Variants in DHX37 observed in about 807,000 individuals in gnomAD.
The protein encoded by DHX37 is DEAH-box helicase 37, also known as probable ATP-dependent RNA helicase DHX37.
A neutral mutation model predicts 134.3 loss-of-function variants in DHX37; 52 were observed. The ratio of observed to expected loss-of-function variants is 0.39; its 90% CI spans 0.31 to 0.49. DHX37 has a LOEUF of 0.49. DHX37 is among the 20% of genes least tolerant of loss of function. The probability of loss-of-function intolerance (pLI) is 0.93; values close to 1 mark genes in which losing one functional copy is unlikely to be tolerated. For missense variants in DHX37, 1,344 were observed against 1,580.8 expected (o/e 0.85, Z 2.54); for synonymous variants, 634 against 670.7 (o/e 0.95, Z 0.85).
rs1377058810 is a variant in DHX37 at position 124,982,518 on chromosome 12, T to C, written c.382A>G (p.Thr128Ala). The C allele has an allele frequency of 6.2e-7, 1 of 1,613,450 alleles. No homozygotes were observed. The highest frequency in any genetic ancestry group is 8.5e-7 in the Non-Finnish European group (1 of 1,179,634). ...AAGGACTGGCCAACTCACTCTTTGG[T>C]GTGATACATGCGGTTCCCAGTGCCT... Reference protein sequence around the residue: ...KLGTGNRMYHTKEKADEVVAP... With the variant: ...KLGTGNRMYHAKEKADEVVAP... Residue 128 changes from threonine to alanine, a missense_variant, in exon 3 of 27, where the codon ACC becomes GCC. Physicochemically the swap from Thr to Ala is moderately conservative, Grantham distance 58 (BLOSUM62 0). Transcript: ENST00000308736.
Position 124,953,898 on chromosome 12 carries a change from C to T in DHX37, c.2677G>A (p.Gly893Ser), listed in dbSNP as rs1389789189. The T allele has an allele frequency of 5.0e-6, 8 of 1,611,524 alleles. No individual in the cohort carries two copies. Among genetic ancestry groups the T allele is most frequent in the Non-Finnish European group, 5.9e-6 (7 of 1,179,290 alleles). Residue 893 changes from glycine (G) to serine (S), a missense_variant, in exon 20 of 27, where the codon GGC becomes AGC. Coordinates refer to ENST00000308736, the MANE Select transcript of DHX37 (RefSeq NM_032656.4). ...KAMMEIRRLRGQLTTAVNAVC... is the reference protein window; with the variant it reads ...KAMMEIRRLRSQLTTAVNAVC... ...GCCGTACCTGCGGTGGTCAGCTGGC[C>T]CCGCAGGCGCCGGATCTCCATCATG...
intron 6 of DHX37, among the ~76,000 whole-genome samples, chr12:124,975,200 C>T (rs1954609533): frequency 1.3e-5 from 2 of 152,324 alleles, no homozygotes; most frequent in South Asian, 4.1e-4. Context: ...ACTCTGTCCC[C>T]TCGGCACACT....
intron 4 of DHX37, among the ~76,000 whole-genome samples, chr12:124,978,440 C>T (rs1337217581): frequency 1.3e-5 from 2 of 151,732 alleles, no homozygotes; most frequent in Non-Finnish European, 2.9e-5. Flanking sequence ...GCCTCAGCCT[C>T]CTGAGTAGCT....
At chr12:124,983,749 C>T (rs1276860956) in intron 2 of DHX37, among the ~76,000 whole-genome samples, 1 of 149,276 alleles carries the variant, frequency 6.7e-6, no homozygotes, top group African/African-American at 2.5e-5. Flanking sequence ...CATACCACTG[C>T]ACTCCAGCCT....
chr12:124,947,812 G>T lies in DHX37; in HGVS notation c.3464C>A (p.Thr1155Asn). 1 of 1,587,040 alleles carries T rather than the reference G, an allele frequency of 6.3e-7. No individual in the cohort carries two copies. The highest frequency in any genetic ancestry group is 1.2e-5 in the South Asian group (1 of 86,110). ...CAGCCAGGTTTCTGGTCAGTGGACA[G>T]TGGTGGGGGGCCAGGCTTTCTCGAT... ...PDIEKAWPPT[T>N]VH Residue 1155 changes from threonine to asparagine, a missense_variant, in exon 27 of 27, where the codon ACT becomes AAT. Thr to Asn is a moderately conservative substitution (Grantham distance 65). This residue lies in a region of DHX37 where 558 missense variants were observed against 650.0 expected (regional missense o/e 0.86). Transcript: ENST00000308736.
intron 20 of DHX37, 190 bp from the exon 21 acceptor site, chr12:124,952,760 C>T (rs2135929444): frequency 4.4e-6 from 2 of 449,830 alleles, no homozygotes; most frequent in Non-Finnish European, 3.7e-6. Context: ...CCCCCCATTC[C>T]CTCCTTCTCC....
chr12:124,967,146 G>A lies in DHX37; in HGVS notation c.1481C>T (p.Pro494Leu). The A allele has an allele frequency of 6.2e-7, 1 of 1,613,818 alleles. No homozygotes were observed. Among genetic ancestry groups the A allele is most frequent in the Non-Finnish European group, 8.5e-7 (1 of 1,180,034 alleles). The stretch of plus-strand genomic sequence containing the variant: ...ACCTTGTGGCCGGGCTCTGGAGGGT[G>A]GGAAAGCCTTCCTGAGCCTGCGGCA... Reference protein sequence around the residue: ...ALCRRLRKAFPPSRARPQEKD... With the variant: ...ALCRRLRKAFLPSRARPQEKD... Residue 494 changes from proline to leucine, a missense_variant, in exon 11 of 27, where the codon CCA (proline) becomes CTA (leucine). By Grantham distance (98) the Pro-to-Leu change is moderately conservative. Around this residue, in one of 7 missense-constraint regions of DHX37, gnomAD observed 289 missense variants for 323.8 expected, o/e 0.89. Coordinates refer to ENST00000308736, the MANE Select transcript of DHX37 (RefSeq NM_032656.4).
chr12:124,977,907 T>C (rs1295707435), intron 4 of DHX37, among the ~76,000 whole-genome samples: 1 of 152,146 alleles, frequency 6.6e-6, no homozygotes, highest in Non-Finnish European at 1.5e-5. Context: ...CTGTGACTCA[T>C]GGAAAGAAAC....
chr12:124,977,534 A>G, intron 4 of DHX37, 44 bp from the exon 5 acceptor site: 1 of 1,543,408 alleles, frequency 6.5e-7, no homozygotes, highest in Non-Finnish European at 8.7e-7. Flanking sequence ...GCAAGACTAT[A>G]GACAGTGATG....
intron 21 of DHX37, among the ~76,000 whole-genome samples, chr12:124,951,620 G>C (rs2135928210): frequency 6.6e-6 from 1 of 152,328 alleles, no homozygotes; most frequent in Non-Finnish European, 1.5e-5. Flanking sequence ...GCCAGATGCA[G>C]TGGGTCACAC....
At chr12:124,985,130 C>T (rs780737980) in intron 2 of DHX37, among the ~76,000 whole-genome samples, 33 of 152,178 alleles carry the variant, frequency 2.2e-4, no homozygotes, top group African/African-American at 2.7e-4. Context: ...ACCTTGATCT[C>T]GGACTTCTGG....
At chr12:124,977,910 A>T (rs1440725935) in intron 4 of DHX37, among the ~76,000 whole-genome samples, 1 of 152,176 alleles carries the variant, frequency 6.6e-6, no homozygotes, top group Non-Finnish European at 1.5e-5. Context: ...TGACTCATGG[A>T]AAGAAACACA....
chr12:124,986,405 A>G (rs1954873526), intron 1 of DHX37, 140 bp from the exon 2 acceptor site: 1 of 948,290 alleles, frequency 1.1e-6, no homozygotes, highest in East Asian at 2.4e-5. Flanking sequence ...ATCTATTTTC[A>G]TAACAATACT....
chr12:124,983,845 C>G (rs1193900936), intron 2 of DHX37, among the ~76,000 whole-genome samples: 1 of 151,760 alleles, frequency 6.6e-6, no homozygotes, highest in Non-Finnish European at 1.5e-5. Context: ...TACCAAGGCT[C>G]TGGGGACTGC....
chr12:124,959,073 CTT>C (rs1188884814), intron 16 of DHX37, among the ~76,000 whole-genome samples: 16 of 115,740 alleles, frequency 1.4e-4, no homozygotes, highest in East Asian at 2.4e-4. Context: ...CCACACCTGG[CTT>C]TTTTTTTTTT....
chr12:124,971,340 T>C lies in DHX37; in HGVS notation c.1153A>G (p.Ile385Val). The C allele has an allele frequency of 1.2e-6, 2 of 1,613,282 alleles. No homozygotes were observed. Among genetic ancestry groups the C allele is most frequent in the Non-Finnish European group, 1.7e-6 (2 of 1,179,984 alleles). ...GTCACAATGCGGGACAGGAGGCCGATGAGGATGTCCGTGTACACGCTCCTC... is the reference window on the plus strand; with the variant it reads ...GTCACAATGCGGGACAGGAGGCCGACGAGGATGTCCGTGTACACGCTCCTC... ...HERSVYTDIL[I>V]GLLSRIVTLR... is the part of the protein sequence containing the mutation. Residue 385 changes from isoleucine to valine, a missense_variant, in exon 8 of 27, where the codon ATC becomes GTC. Ile to Val is a conservative substitution (Grantham distance 29, BLOSUM62 3). Transcript: ENST00000308736.
In DHX37 at chr12:124,980,267, G is replaced by A. The variant is rs1954730164; in HGVS notation, c.738+223C>T. Among the ~76,000 whole-genome samples, 1 of 152,228 alleles carries A rather than the reference G, an allele frequency of 6.6e-6. No homozygotes were observed. The highest frequency in any genetic ancestry group is 2.4e-5 in the African/African-American group (1 of 41,456). ...TACTGCCGCCGACCTCCAGGGCCCCGAGCCTGCCAGGCGTGCCGCCAGACA... is the reference window on the plus strand; with the variant it reads ...TACTGCCGCCGACCTCCAGGGCCCCAAGCCTGCCAGGCGTGCCGCCAGACA... On this transcript the variant is annotated intron_variant, in intron 4 of 26. Transcript: ENST00000308736. This position sits in a 1 kb window ranked among gnomAD's most constrained non-coding sequence, Gnocchi z 5.3.
chr12:124,950,115 C>T (rs1003328073), intron 24 of DHX37, 34 bp downstream of exon 24: 20 of 1,613,728 alleles, frequency 1.2e-5, no homozygotes, highest in Admixed American at 1.7e-5. Flanking sequence ...CCACGGTACC[C>T]GAGATGAGGG....
chr12:124,953,251 A>T (rs1954009553), intron 20 of DHX37: 1 of 153,536 alleles, frequency 6.5e-6, no homozygotes, highest in African/African-American at 2.4e-5. Context: ...TGACAGGGCC[A>T]CCACCATGCA....
Sources: allele counts gnomAD v4.1 joint callset (sites outside exome capture counted in the v4.1 genomes callset), GRCh38; gene constraint gnomAD v4.1.1; regional missense constraint gnomAD v4.1.1; non-coding constraint Gnocchi (gnomAD v3.1); transcripts MANE v1.5; gene names NCBI Gene and HGNC (gene_info 2026-07-23, HGNC 2026-07-21).